Variants in MIER1 observed in about 807,000 individuals in gnomAD.
MIER1 encodes the protein mesoderm induction early response protein 1.
Under a neutral mutation model 75.7 loss-of-function variants are expected in MIER1, and 40 were observed. The observed-to-expected ratio is 0.53, with a 90% CI of 0.41 to 0.69. The LOEUF is 0.69. MIER1 is among the 30% of genes least tolerant of loss of function. The pLI, the probability that MIER1 is intolerant of heterozygous loss-of-function variation, is 0.00. For synonymous variants in MIER1, 213 were observed against 223.4 expected (o/e 0.95, Z 0.42); for missense variants, 574 against 680.2 (o/e 0.84, Z 1.74).
intron 3 of MIER1, among the ~76,000 whole-genome samples, chr1:66,942,163 T>C (rs1245069196): frequency 6.6e-6 from 1 of 152,222 alleles, no homozygotes; most frequent in Non-Finnish European, 1.5e-5. Flanking sequence ...CAGCCAGTTA[T>C]AAAAGTTAGT....
chr1:66,986,140 A>T lies in MIER1; in HGVS notation c.*1240A>T, dbSNP rs754002100. The T allele has an allele frequency of 1.7e-6, 2 of 1,153,426 alleles. No homozygotes were observed. The highest frequency in any genetic ancestry group is 2.1e-6 in the Non-Finnish European group (2 of 938,682). The allele number at this position is 1,153,426 out of a possible 1,614,324, so 71.4% of individuals were successfully genotyped here. A position where few individuals can be genotyped will look rare whatever the true frequency, so the allele number is the denominator to read the frequency against. Reference sequence around the variant, plus strand: ...GTATCGATTTTATGAAGAGAAAGTGAAGTTTGAAAACTTTTCAAACTTTTC... The same window carrying T: ...GTATCGATTTTATGAAGAGAAAGTGTAGTTTGAAAACTTTTCAAACTTTTC... On this transcript the variant is annotated 3_prime_UTR_variant, in exon 14 of 14. Transcript: ENST00000401041.
chr1:66,925,059 AGCAGCGAAGGTGGCGGCGGCAGCAGCG>A lies in MIER1; in HGVS notation c.38_64del (p.Glu13_Ser21del), dbSNP rs1651139099. 1 of 1,548,916 alleles carries A rather than the reference AGCAGCGAAGGTGGCGGCGGCAGCAGCG, an allele frequency of 6.5e-7. No individual in the cohort carries two copies. The highest frequency in any genetic ancestry group is 1.4e-5 in the African/African-American group (1 of 72,848). ...TGGGGCTTCTTCAGGCGGTGGCGGCAGCAGCGAAGGTGGCGGCGGCAGCAGCGGCAGCGGCTGTAAGTGCAGCCTCCA... is the reference window on the plus strand; with the variant it reads ...TGGGGCTTCTTCAGGCGGTGGCGGCAGCAGCGGCTGTAAGTGCAGCCTCCA... On this transcript the variant is annotated inframe_deletion, in exon 1 of 14. Coordinates refer to ENST00000401041, the MANE Select transcript of MIER1 (RefSeq NM_001077700.3).
chr1:66,949,462 T>C (rs1658417930), intron 4 of MIER1, among the ~76,000 whole-genome samples: 1 of 152,154 alleles, frequency 6.6e-6, no homozygotes, highest in Non-Finnish European at 1.5e-5. Context: ...AAAATAGAAT[T>C]ATTTATAGAG....
intron 3 of MIER1, among the ~76,000 whole-genome samples, chr1:66,944,077 C>T (rs1656892358): frequency 6.6e-6 from 1 of 151,628 alleles, no homozygotes; most frequent in South Asian, 2.1e-4. Flanking sequence ...ATATGACATG[C>T]TTGAACATAG....
intron 2 of MIER1, among the ~76,000 whole-genome samples, chr1:66,928,159 TCCCTCA>T (rs1652263911): frequency 6.6e-6 from 1 of 152,018 alleles, no homozygotes; most frequent in African/African-American, 2.4e-5. Context: ...AGAGTTTTTT[TCCCTCA>T]ATAATAATAA....
At chr1:66,981,496 T>C (rs1179084833) in intron 12 of MIER1, among the ~76,000 whole-genome samples, 1 of 152,192 alleles carries the variant, frequency 6.6e-6, no homozygotes, top group Non-Finnish European at 1.5e-5. Flanking sequence ...CAGTTCTAGT[T>C]GGGCCACTCT....
chr1:66,944,418 C>CTGTAAAATTTTACAGACTA (rs1656992355), intron 3 of MIER1, among the ~76,000 whole-genome samples: 1 of 150,362 alleles, frequency 6.7e-6, no homozygotes, highest in South Asian at 2.1e-4. Context: ...TTTACATAGT[C>CTGTAAAATTTTACAGACTA]TGTAAAATAT....
Position 66,986,430 on chromosome 1 carries a change from A to G in MIER1, c.*1530A>G, listed in dbSNP as rs750830042. 1.9e-6 allele frequency: 3 copies of G among 1,612,964 alleles called. No individual in the cohort carries two copies. Among genetic ancestry groups the G allele is most frequent in the African/African-American group, 2.7e-5 (2 of 74,736 alleles). ...ATACTCCAAATGCTTCTTCCAGTTC[A>G]TTTTTCAGCCATCAGTTCAAGAGCC... On this transcript the variant is annotated 3_prime_UTR_variant, in exon 14 of 14. Coordinates refer to ENST00000401041, the MANE Select transcript of MIER1 (RefSeq NM_001077700.3).
At chr1:66,942,159 G>C (rs920469064) in intron 3 of MIER1, among the ~76,000 whole-genome samples, 1 of 152,166 alleles carries the variant, frequency 6.6e-6, no homozygotes, top group African/African-American at 2.4e-5. Flanking sequence ...ATTACAGCCA[G>C]TTATAAAAGT....
chr1:66,925,250 A>T, intron 1 of MIER1, 155 bp downstream of exon 1: 3 of 983,736 alleles, frequency 3.0e-6, no homozygotes, highest in Non-Finnish European at 3.6e-6. Context: ...GCTGCCGCAG[A>T]ACGCGCCTGG....
chr1:66,935,843 CAG>C (rs1048599913), intron 2 of MIER1, among the ~76,000 whole-genome samples: 2 of 151,970 alleles, frequency 1.3e-5, no homozygotes, highest in African/African-American at 2.4e-5. Flanking sequence ...TCAACACAAA[CAG>C]ATATCTCTAT....
At chr1:66,977,062 T>G (rs1664857011) in intron 12 of MIER1, among the ~76,000 whole-genome samples, 1 of 152,134 alleles carries the variant, frequency 6.6e-6, no homozygotes. Context: ...TGAAAGCATG[T>G]TTTTCTTAAA....
intron 3 of MIER1, among the ~76,000 whole-genome samples, chr1:66,940,390 A>C (rs1302538644): frequency 6.6e-6 from 1 of 151,558 alleles, no homozygotes; most frequent in Non-Finnish European, 1.5e-5. Context: ...TTAGCTTAGA[A>C]ATATTTGCTT....
At position 66,970,660 on chromosome 1, in the gene MIER1, G is replaced by T. The variant is rs553031488; in HGVS notation, c.773-148G>T. On this transcript the variant is annotated intron_variant, in intron 8 of 13. Transcript: ENST00000401041. The stretch of plus-strand genomic sequence containing the variant: ...TTAATTTACTTAAACTATAGTTTTT[G>T]CCCAAGAACGAAGTCAGGCAAGTAG... 1.3e-4 allele frequency: 63 copies of T among 499,246 alleles called. 1 individual carries two copies. In the South Asian group the frequency reaches 2.1e-3, roughly 16 times the overall value. 30.9% of individuals were successfully genotyped at this position (499,246 alleles called of 1,614,324 possible). A position where few individuals can be genotyped will look rare whatever the true frequency, so the allele number is the denominator to read the frequency against.
chr1:66,955,335 A>AGT (rs1659873162), intron 4 of MIER1, among the ~76,000 whole-genome samples: 1 of 28,764 alleles, frequency 3.5e-5, no homozygotes, highest in Admixed American at 4.9e-4. Flanking sequence ...GCATCACCTG[A>AGT]GTTTTTTTTT....
At chr1:66,944,757 GCT>G (rs1657093979) in intron 3 of MIER1, among the ~76,000 whole-genome samples, 1 of 151,860 alleles carries the variant, frequency 6.6e-6, no homozygotes, top group Non-Finnish European at 1.5e-5. Context: ...TCAGGGCCTT[GCT>G]CTGTCTCCCA....
In MIER1 at chr1:66,970,089, T is replaced by C. The variant is rs79978229; in HGVS notation, c.773-719T>C. ...GAATTTTATCCATGTTTTCTTCTTA[T>C]CATTTGGAATTCCACAGGCTTTGTC... On this transcript the variant is annotated intron_variant, in intron 8 of 13. Coordinates refer to ENST00000401041, the MANE Select transcript of MIER1 (RefSeq NM_001077700.3). Among the ~76,000 whole-genome samples, 131 of 152,220 alleles carry C rather than the reference T, an allele frequency of 8.6e-4. 1 individual carries two copies. The East Asian group carries it at 0.023, about 27-fold the overall frequency.
chr1:66,938,113 C>T (rs909554932), intron 2 of MIER1, among the ~76,000 whole-genome samples: 2 of 152,138 alleles, frequency 1.3e-5, no homozygotes, highest in Non-Finnish European at 2.9e-5. Flanking sequence ...CGTTTGGTAT[C>T]TTAATCATTG....
chr1:66,962,035 C>T (rs1419180646), intron 7 of MIER1, among the ~76,000 whole-genome samples: 2 of 152,106 alleles, frequency 1.3e-5, no homozygotes, highest in Non-Finnish European at 1.5e-5. Context: ...ACTTCTAGAC[C>T]ATGATTTTGT....
Sources: allele counts gnomAD v4.1 joint callset (sites outside exome capture counted in the v4.1 genomes callset), GRCh38; gene constraint gnomAD v4.1.1; transcripts MANE v1.5; gene names NCBI Gene and HGNC (gene_info 2026-07-23, HGNC 2026-07-21).